MGST1: variants seen among roughly 807,000 people sequenced by gnomAD.
MGST1 encodes glutathione S-transferase 12.
MGST1 carries 5 observed loss-of-function variants against 8.9 expected under a neutral mutation model. That is an observed-to-expected ratio of 0.56 (90% CI 0.29 to 1.19). MGST1 has a LOEUF of 1.19. Ranked by LOEUF, MGST1 falls within the 50% of genes most tolerant of loss-of-function variation. MGST1 has a pLI of 0.08. For missense variants in MGST1, 182 were observed against 187.4 expected, an observed-to-expected ratio of 0.97 and a Z score of 0.17; for synonymous variants, 54 against 67.8, an observed-to-expected ratio of 0.80 and a Z score of 1.00.
At chr12:16,496,914 A>T (rs1352303749) in intron 4 of MGST1, among the ~76,000 whole-genome samples, 2 of 152,154 alleles carry the variant, frequency 1.3e-5, no homozygotes, top group Non-Finnish European at 2.9e-5. Flanking sequence ...GAAGTCCTAT[A>T]AGACCTTTTA....
intron 1 of MGST1, among the ~76,000 whole-genome samples, chr12:16,395,436 C>T (rs1343233935): frequency 6.6e-6 from 1 of 151,818 alleles, no homozygotes; most frequent in Non-Finnish European, 1.5e-5. Flanking sequence ...AATTTATTTC[C>T]ATAGGTTTTT....
chr12:16,350,663 C>T (rs564827430), intron 1 of MGST1: 13 of 152,326 alleles, frequency 8.5e-5, no homozygotes, highest in African/African-American at 2.9e-4. Context: ...AAAAAGTTTA[C>T]AACAGCATTG....
chr12:16,526,369 C>G (rs905773549), intron 4 of MGST1, among the ~76,000 whole-genome samples: 3 of 151,900 alleles, frequency 2.0e-5, no homozygotes, highest in African/African-American at 7.3e-5. Flanking sequence ...CTCTCCTGAC[C>G]CCATTGGAAT....
chr12:16,439,633 A>G (rs1941022417), downstream of MGST1, among the ~76,000 whole-genome samples: 1 of 151,764 alleles, frequency 6.6e-6, no homozygotes, highest in Admixed American at 6.6e-5. Context: ...GGAGGGGTAG[A>G]AGGTGCATGA....
chr12:16,447,473 A>G (rs532044750), intron 4 of MGST1, among the ~76,000 whole-genome samples: 55 of 152,048 alleles, frequency 3.6e-4, no homozygotes, highest in African/African-American at 1.3e-3. Flanking sequence ...CTCATATGCA[A>G]GAAGGGTAGC....
At chr12:16,499,305 C>T (rs1340315492) in intron 4 of MGST1, among the ~76,000 whole-genome samples, 1 of 152,160 alleles carries the variant, frequency 6.6e-6, no homozygotes, top group Non-Finnish European at 1.5e-5. Flanking sequence ...GTATTCCTTT[C>T]CTTATCGTTT....
At chr12:16,542,223 G>A (rs1941797166) in intron 4 of MGST1, among the ~76,000 whole-genome samples, 2 of 151,992 alleles carry the variant, frequency 1.3e-5, no homozygotes, top group South Asian at 4.1e-4. Flanking sequence ...CTGGATGCAA[G>A]AAAAAAAGCT....
chr12:16,528,223 T>C (rs1262341193), intron 4 of MGST1, among the ~76,000 whole-genome samples: 5 of 152,072 alleles, frequency 3.3e-5, no homozygotes, highest in Non-Finnish European at 7.4e-5. Context: ...ACATTTTCAC[T>C]GACTGCATTG....
At chr12:16,414,617 A>G (rs940674637) in intron 1 of MGST1, among the ~76,000 whole-genome samples, 2 of 151,614 alleles carry the variant, frequency 1.3e-5, no homozygotes, top group African/African-American at 4.8e-5. Context: ...GGGTTTCATC[A>G]TGTTAGCCAG....
intron 4 of MGST1, among the ~76,000 whole-genome samples, chr12:16,542,244 A>G (rs1267187353): frequency 6.6e-6 from 1 of 152,242 alleles, no homozygotes; most frequent in Non-Finnish European, 1.5e-5. Context: ...ATGAAATAGA[A>G]ACCCTTTGAT....
intron 4 of MGST1, among the ~76,000 whole-genome samples, chr12:16,461,192 AAG>A (rs555224335): frequency 6.1e-4 from 92 of 151,482 alleles, no homozygotes; most frequent in Non-Finnish European, 1.0e-3. Context: ...AAAAAAAAAA[AAG>A]CACATCATAA....
chr12:16,585,322 T>C lies in MGST1; in HGVS notation n.483-4206T>C, dbSNP rs145445902. ...GATTACTGCTTCAAGAAAAAGGATT[T>C]GCATATTTGTGTATATATTTTTAAA... On this transcript the variant is annotated intron_variant and non_coding_transcript_variant, in intron 4 of 4. Transcript: ENST00000538857. The surrounding 1 kb of genome is among the most constrained non-coding windows in gnomAD (Gnocchi z 4.7). 1.8e-3 allele frequency among the ~76,000 whole-genome samples: 280 copies of C among 152,296 alleles called. 1 individual carries two copies. Among genetic ancestry groups the C allele is most frequent in the African/African-American group, 6.6e-3 (276 of 41,560 alleles).
At chr12:16,373,147 G>A (rs1408422441) in intron 3 of MGST1, among the ~76,000 whole-genome samples, 1 of 151,576 alleles carries the variant, frequency 6.6e-6, no homozygotes, top group African/African-American at 2.4e-5. Flanking sequence ...AATAATCCAA[G>A]CACAGAAAGA....
intron 4 of MGST1, among the ~76,000 whole-genome samples, chr12:16,507,514 G>A (rs1941546164): frequency 6.6e-6 from 1 of 152,116 alleles, no homozygotes; most frequent in Non-Finnish European, 1.5e-5. Context: ...GGAATGAAGA[G>A]GAGGAATGGA....
intron 4 of MGST1, among the ~76,000 whole-genome samples, chr12:16,531,767 C>T (rs542012888): frequency 1.3e-5 from 2 of 152,090 alleles, no homozygotes; most frequent in African/African-American, 2.4e-5. Flanking sequence ...TGCACAGAGG[C>T]GCTTCTTTGT....
chr12:16,492,460 G>A (rs1426642275), intron 4 of MGST1, among the ~76,000 whole-genome samples: 1 of 152,120 alleles, frequency 6.6e-6, no homozygotes, highest in African/African-American at 2.4e-5. Flanking sequence ...CAGAGGCAGT[G>A]TAGCGCCATC....
chr12:16,483,484 A>G (rs1941378663), intron 4 of MGST1, among the ~76,000 whole-genome samples: 1 of 152,172 alleles, frequency 6.6e-6, no homozygotes, highest in Non-Finnish European at 1.5e-5. Flanking sequence ...AGCATAAAAC[A>G]AGATATTAGA....
intron 4 of MGST1, among the ~76,000 whole-genome samples, chr12:16,558,979 T>C (rs1168284434): frequency 6.6e-6 from 1 of 152,146 alleles, no homozygotes; most frequent in Non-Finnish European, 1.5e-5. Flanking sequence ...ACAGCTAATA[T>C]ATCAGCTAAT....
At chr12:16,414,228 A>C (rs1448300181) in intron 1 of MGST1, among the ~76,000 whole-genome samples, 1 of 151,702 alleles carries the variant, frequency 6.6e-6, no homozygotes, top group Non-Finnish European at 1.5e-5. Flanking sequence ...ATACTGATTT[A>C]TGATTTTCTA....
Sources: allele counts gnomAD v4.1 joint callset (sites outside exome capture counted in the v4.1 genomes callset), GRCh38; gene constraint gnomAD v4.1.1; non-coding constraint Gnocchi (gnomAD v3.1); transcripts MANE v1.5; gene names NCBI Gene and HGNC (gene_info 2026-07-23, HGNC 2026-07-21).